The following PAPLN variants were observed in gnomAD, a reference collection of about 807,000 sequenced individuals.
PAPLN encodes the protein papilin, proteoglycan like sulfated glycoprotein.
PAPLN carries 146 observed loss-of-function variants against 159.0 expected under a neutral mutation model. That is an observed-to-expected ratio of 0.92 (90% CI 0.80 to 1.05). The LOEUF is 1.05. Among genes scored for constraint, PAPLN ranks in the 50% least tolerant of loss-of-function variants. The pLI, the probability that PAPLN is intolerant of heterozygous loss-of-function variation, is 0.00. For synonymous variants in PAPLN, 734 were observed against 702.9 expected, an observed-to-expected ratio of 1.04 and a Z score of -0.70; for missense variants, 1,720 against 1,743.9, an observed-to-expected ratio of 0.99 and a Z score of 0.24.
At chr14:73,241,484 A>T (rs1883531683) in intron 2 of PAPLN, among the ~76,000 whole-genome samples, 1 of 152,252 alleles carries the variant, frequency 6.6e-6, no homozygotes, top group Non-Finnish European at 1.5e-5. Context: ...TGTCATGCAG[A>T]TGAAACAAAT....
chr14:73,270,805 G>A (rs1162636412), intron 26 of PAPLN, among the ~76,000 whole-genome samples: 3 of 152,098 alleles, frequency 2.0e-5, no homozygotes, highest in Non-Finnish European at 2.9e-5. Context: ...CCTCAGTCTG[G>A]CCACTCTCCT....
intron 14 of PAPLN, among the ~76,000 whole-genome samples, chr14:73,257,529 A>G (rs1178248109): frequency 6.6e-6 from 1 of 152,130 alleles, no homozygotes; most frequent in African/African-American, 2.4e-5. Flanking sequence ...AATCTTTTTG[A>G]AAATTTTAGG....
chr14:73,266,385 T>C, intron 23 of PAPLN, 116 bp from the exon 24 acceptor site: 1 of 1,307,242 alleles, frequency 7.6e-7, no homozygotes, highest in Non-Finnish European at 1.0e-6. Context: ...GCTTAGCCTC[T>C]CACCAGGGAC....
chr14:73,268,846 G>A (rs549422494), intron 26 of PAPLN, 123 bp downstream of exon 26: 11 of 1,246,436 alleles, frequency 8.8e-6, no homozygotes, highest in Non-Finnish European at 1.1e-5. Context: ...GCCAGTTGCT[G>A]GTAGTGTGAC....
chr14:73,257,099 G>A (rs1233764540), intron 14 of PAPLN, among the ~76,000 whole-genome samples: 1 of 152,088 alleles, frequency 6.6e-6, no homozygotes. Flanking sequence ...AGCCTCCTGT[G>A]TAGCTGAGAT....
chr14:73,271,987 G>A (rs907379782), intron 26 of PAPLN, among the ~76,000 whole-genome samples: 1 of 152,176 alleles, frequency 6.6e-6, no homozygotes, highest in African/African-American at 2.4e-5. Flanking sequence ...GGAAGGATGA[G>A]GACCCAGGTG....
At position 73,251,774 on chromosome 14, in the gene PAPLN, G is replaced by C; in HGVS notation, c.781G>C (p.Gly261Arg). ...CCTGCATTACGAGCGGGGTGCTGAG[G>C]GGGACCTGGCCCCTGAGCGACTCCA... ...TILHYERGAE[G>R]DLAPERLHAR... The change falls in exon 9 of 27, where the codon GGG becomes CGG. Residue 261 changes from glycine to arginine, a missense_variant. By Grantham distance (125) the Gly-to-Arg change is moderately radical. Transcript: ENST00000644200. The C allele has an allele frequency of 6.2e-7, 1 of 1,611,364 alleles. No homozygotes were observed. The highest frequency in any genetic ancestry group is 2.2e-5 in the East Asian group (1 of 44,874).
chr14:73,262,402 G>A lies in PAPLN; in HGVS notation c.2298G>A (p.Trp766Ter). 2 of 1,614,044 alleles carry A rather than the reference G, an allele frequency of 1.2e-6. No homozygotes were observed. Among genetic ancestry groups the A allele is most frequent in the East Asian group, 4.5e-5 (2 of 44,896 alleles). ...LPSAHGSCAD[W>*]AARWYFVASV... ...GTGCCCATGGCTCTTGCGCAGACTG[G>A]GCTGCCCGCTGGTACTTCGTTGCCT... Residue 766 changes from tryptophan (W) to a stop codon, truncating the protein, a stop_gained, in exon 19 of 27, where the codon TGG becomes TGA. Coordinates refer to ENST00000644200, the MANE Select transcript of PAPLN (RefSeq NM_001365906.3). LOFTEE classifies it high-confidence loss of function.
At chr14:73,262,882 C>T (rs889187670) in intron 19 of PAPLN, 55 bp downstream of exon 19, 6 of 1,360,718 alleles carry the variant, frequency 4.4e-6, no homozygotes, top group Middle Eastern at 2.7e-4. Flanking sequence ...AAGGAGCATG[C>T]CAGTTGGAGC....
At chr14:73,267,159 G>A (rs1404571006) in intron 25 of PAPLN, among the ~76,000 whole-genome samples, 1 of 152,142 alleles carries the variant, frequency 6.6e-6, no homozygotes, top group Admixed American at 6.5e-5. Context: ...TAGATGCCAG[G>A]GGCACCCTCC....
rs1041977333 is a variant in PAPLN, at chr14:73,272,591, A to G, written c.3764A>G (p.Asn1255Ser). Residue 1255 changes from asparagine to serine, a missense_variant, in exon 27 of 27, where the codon AAT (asparagine) becomes AGT (serine). Coordinates refer to ENST00000644200, the MANE Select transcript of PAPLN (RefSeq NM_001365906.3). ...DLILQAQLCGNEYYSSFCCAS... is the reference protein window; with the variant it reads ...DLILQAQLCGSEYYSSFCCAS... ...ATCCTGCAGGCCCAGCTTTGTGGCA[A>G]TGAGTATTACTCCAGCTTCTGCTGT... The G allele has an allele frequency of 2.5e-6, 4 of 1,605,120 alleles. No individual in the cohort carries two copies. Among genetic ancestry groups the G allele is most frequent in the African/African-American group, 1.3e-5 (1 of 74,800 alleles).
intron 11 of PAPLN, chr14:73,253,205 C>A (rs1885500570): frequency 7.4e-7 from 1 of 1,360,046 alleles, no homozygotes; most frequent in African/African-American, 1.5e-5. Flanking sequence ...CTTGCTGGGG[C>A]CCAGCGAGTG....
rs1362086264 is a variant in PAPLN, at chr14:73,245,138, C to T, written c.170+379C>T. On this transcript the variant is annotated intron_variant, in intron 3 of 26. Coordinates refer to ENST00000644200, the MANE Select transcript of PAPLN (RefSeq NM_001365906.3). This position sits in a 1 kb window ranked among gnomAD's most constrained non-coding sequence, Gnocchi z 4.2. ...CCCACTTCAAGCGATTTATTAAATG[C>T]TTGCTGTGTGTGCTGCACTCCGGCA... 1 of 212,420 alleles carries T rather than the reference C, an allele frequency of 4.7e-6. No individual in the cohort carries two copies. The highest frequency in any genetic ancestry group is 1.8e-3 in the Middle Eastern group (1 of 566). 13.2% of individuals were successfully genotyped at this position (212,420 alleles called of 1,614,324 possible). A position where few individuals can be genotyped will look rare whatever the true frequency, so the allele number is the denominator to read the frequency against.
chr14:73,253,123 C>T (rs1351016596), intron 11 of PAPLN: 1 of 1,398,470 alleles, frequency 7.2e-7, no homozygotes, highest in Non-Finnish European at 9.5e-7. Flanking sequence ...GGCCAAAGGG[C>T]CTGTTGGCAT....
At chr14:73,263,461 T>A (rs1214125900) in intron 19 of PAPLN, 184 bp from the exon 20 acceptor site, 1 of 705,654 alleles carries the variant, frequency 1.4e-6, no homozygotes, top group Non-Finnish European at 2.4e-6. Context: ...CGGGGGCAGG[T>A]TGGGGAGGGT....
chr14:73,266,592 G>A lies in PAPLN; in HGVS notation c.3355G>A (p.Asp1119Asn). 6.2e-7 allele frequency: 1 copy of A among 1,614,174 alleles called. No homozygotes were observed. Among genetic ancestry groups the A allele is most frequent in the Non-Finnish European group, 8.5e-7 (1 of 1,180,026 alleles). The change falls in exon 24 of 27, where the codon GAC (aspartate) becomes AAC (asparagine). Residue 1119 changes from aspartate (D) to asparagine (N), a missense_variant. Physicochemically the swap from Asp to Asn is conservative, Grantham distance 23. Coordinates refer to ENST00000644200, the MANE Select transcript of PAPLN (RefSeq NM_001365906.3). ...CACCTGTGTCGCTTTCAATGGGCAG[G>A]ACCGAGACCAGCGATGGGTCCAGCT... ...FYTCVAFNGQ[D>N]RDQRWVQLRV...
At chr14:73,240,880 G>T (rs140867972) in intron 2 of PAPLN, among the ~76,000 whole-genome samples, 101 of 152,272 alleles carry the variant, frequency 6.6e-4, no homozygotes, top group Non-Finnish European at 1.2e-3. Context: ...GAGGCAGCTG[G>T]GCCCTGTCCT....
In PAPLN at chr14:73,257,753, C is replaced by CTTTTTTTTTTTTTTTT. The variant is rs562890068; in HGVS notation, c.1628-1213_1628-1198dup. 1.2e-3 allele frequency among the ~76,000 whole-genome samples: 113 copies of CTTTTTTTTTTTTTTTT among 91,250 alleles called. 12 individuals are homozygous for CTTTTTTTTTTTTTTTT. Among genetic ancestry groups the CTTTTTTTTTTTTTTTT allele is most frequent in the East Asian group, 6.3e-3 (13 of 2,052 alleles). The allele number at this position is 91,250 out of a possible 152,430, so 59.9% of individuals were successfully genotyped here. A position where few individuals can be genotyped will look rare whatever the true frequency, so the allele number is the denominator to read the frequency against. On this transcript the variant is annotated intron_variant, in intron 14 of 26. Transcript: ENST00000644200. ...GTTTTCATTATCTAGTCTCTTTCTT[C>CTTTTTTTTTTTTTTTT]TTTTTTTTTTTTTTTTTTTTTTTTT...
At chr14:73,249,674 C>CAAA (rs58852515) in intron 5 of PAPLN, 951 of 93,238 alleles carry the variant, frequency 0.01, 23 homozygotes, top group South Asian at 0.025. Context: ...GACTCCACCT[C>CAAA]AAAAAAAAAA....
Sources: gnomAD v4.1 joint callset for allele counts (sites outside exome capture counted in the v4.1 genomes callset) on GRCh38, gnomAD v4.1.1 for gene constraint, Gnocchi (gnomAD v3.1) non-coding constraint, MANE v1.5 for transcripts, NCBI Gene and HGNC (gene_info 2026-07-23, HGNC 2026-07-21) for gene names.